STT3B: variants seen among roughly 807,000 people sequenced by gnomAD.
STT3B encodes dolichyl-diphosphooligosaccharide--protein glycosyltransferase subunit STT3B.
STT3B carries 29 observed loss-of-function variants against 96.8 expected under a neutral mutation model. That is an observed-to-expected ratio of 0.30 (90% CI 0.22 to 0.41). The LOEUF (loss-of-function observed/expected upper bound fraction) is 0.41, where lower values mean the gene tolerates loss of function less well. Among genes scored for constraint, STT3B ranks in the 10% least tolerant of loss-of-function variants. The pLI is 1.00. For synonymous variants in STT3B, 367 were observed against 360.0 expected, an observed-to-expected ratio of 1.02 and a Z score of -0.22; for missense variants, 640 against 1,022.3, an observed-to-expected ratio of 0.63 and a Z score of 5.10.
intron 1 of STT3B, 110 bp downstream of exon 1, chr3:31,533,422 G>T (rs1392037287): frequency 1.6e-6 from 2 of 1,259,082 alleles, no homozygotes; most frequent in African/African-American, 1.6e-5. Flanking sequence ...GCGGAGCCCC[G>T]CTCGCGTCCT....
intron 1 of STT3B, among the ~76,000 whole-genome samples, chr3:31,575,426 G>A (rs1032144045): frequency 1.3e-5 from 2 of 151,672 alleles, no homozygotes; most frequent in African/African-American, 4.8e-5. Context: ...TTGATATTTA[G>A]CTGTCATGGT....
At chr3:31,622,368 C>G (rs1019747156) in intron 10 of STT3B, 60 bp downstream of exon 10, 42 of 1,362,928 alleles carry the variant, frequency 3.1e-5, no homozygotes, top group Non-Finnish European at 4.1e-5. Context: ...TTTTCCACCA[C>G]AGTAAGAACT....
At chr3:31,626,310 A>G (rs1699535755) in intron 13 of STT3B, among the ~76,000 whole-genome samples, 183 bp downstream of exon 13, 1 of 152,224 alleles carries the variant, frequency 6.6e-6, no homozygotes, top group South Asian at 2.1e-4. Context: ...TTTTGAAGTC[A>G]AAATGGAACT....
At chr3:31,570,929 T>C (rs1385014352) in intron 1 of STT3B, among the ~76,000 whole-genome samples, 5 of 152,146 alleles carry the variant, frequency 3.3e-5, no homozygotes, top group East Asian at 1.9e-4. Flanking sequence ...TTTGATCATA[T>C]TGAGGTGATC....
rs148782057 is a variant in STT3B, at chr3:31,617,517, G to T, written c.1124-423G>T. ...ATTCTGTCAAATTAATGTAAAAGCCGTGAGTGTTTAAAATCATCTTTGAAT... is the reference window on the plus strand; with the variant it reads ...ATTCTGTCAAATTAATGTAAAAGCCTTGAGTGTTTAAAATCATCTTTGAAT... On this transcript the variant is annotated intron_variant, in intron 7 of 15. Transcript: ENST00000295770. Among the ~76,000 whole-genome samples the T allele has an allele frequency of 7.1e-3, 1,076 of 152,036 alleles. 13 individuals carry two copies. The highest frequency in any genetic ancestry group is 0.024 in the African/African-American group (994 of 41,536).
intron 5 of STT3B, among the ~76,000 whole-genome samples, chr3:31,608,543 G>A (rs1038023217): frequency 6.6e-5 from 10 of 152,120 alleles, no homozygotes; most frequent in African/African-American, 2.4e-4. Flanking sequence ...TAAAACTCGG[G>A]ATATTTAGAG....
chr3:31,579,528 T>A (rs1014811457), intron 2 of STT3B, among the ~76,000 whole-genome samples: 2 of 141,424 alleles, frequency 1.4e-5, no homozygotes, highest in Admixed American at 1.5e-4. Context: ...GTAAAAAAGT[T>A]ACCTACAGTT....
chr3:31,628,032 A>G (rs892179056), intron 13 of STT3B, among the ~76,000 whole-genome samples: 2 of 151,718 alleles, frequency 1.3e-5, no homozygotes, highest in Admixed American at 6.6e-5. Context: ...AAGTTCCTCT[A>G]TAGGTAATAA....
chr3:31,629,936 A>T (rs1699619809), intron 14 of STT3B, among the ~76,000 whole-genome samples: 2 of 152,238 alleles, frequency 1.3e-5, no homozygotes, highest in African/African-American at 4.8e-5. Flanking sequence ...TGAATGTGCA[A>T]AGAGGCATTG....
At chr3:31,597,652 C>G (rs953463816) in intron 4 of STT3B, among the ~76,000 whole-genome samples, 3 of 151,954 alleles carry the variant, frequency 2.0e-5, no homozygotes, top group African/African-American at 7.3e-5. Context: ...AGAGACAGAT[C>G]CTCACTCTGT....
At position 31,624,981 on chromosome 3, in the gene STT3B, G is replaced by A. The variant is rs747579323; in HGVS notation, c.1795G>A (p.Ala599Thr). The A allele has an allele frequency of 6.9e-5, 111 of 1,613,618 alleles. No homozygotes were observed. Among genetic ancestry groups the A allele is most frequent in the Middle Eastern group, 1.7e-4 (1 of 6,056 alleles). The change falls in exon 12 of 16, where the codon GCA becomes ACA. Residue 599 changes from alanine to threonine, a missense_variant. Around this residue, in one of 8 missense-constraint regions of STT3B, gnomAD observed 149 missense variants for 250.2 expected, o/e 0.60. Transcript: ENST00000295770. ...GCTAAGGCAAAATACAGATGAACAT[G>A]CACGAGTAATGTCTTGGTGGGATTA... ...FWLRQNTDEHARVMSWWDYGY... is the reference protein window; with the variant it reads ...FWLRQNTDEHTRVMSWWDYGY...
At chr3:31,558,087 T>G (rs1697767129) in intron 1 of STT3B, among the ~76,000 whole-genome samples, 1 of 152,256 alleles carries the variant, frequency 6.6e-6, no homozygotes, top group African/African-American at 2.4e-5. Flanking sequence ...TGGCAGAGTC[T>G]TTTGGTTTTT....
intron 3 of STT3B, among the ~76,000 whole-genome samples, chr3:31,584,548 A>G (rs1698493391): frequency 6.6e-6 from 1 of 152,132 alleles, no homozygotes; most frequent in Non-Finnish European, 1.5e-5. Flanking sequence ...TGTGTTGATT[A>G]CACAAGGTTA....
At chr3:31,631,479 TTTTAAG>T (rs1377562505) in intron 14 of STT3B, among the ~76,000 whole-genome samples, 4 of 152,332 alleles carry the variant, frequency 2.6e-5, no homozygotes, top group Admixed American at 1.3e-4. Context: ...TCTTCCTCTC[TTTTAAG>T]TTTATCAATA....
intron 1 of STT3B, among the ~76,000 whole-genome samples, chr3:31,536,871 T>A (rs768184830): frequency 2.0e-5 from 3 of 152,252 alleles, no homozygotes; most frequent in Admixed American, 6.5e-5. Flanking sequence ...CAAAATGTGT[T>A]TTCTACATAT....
intron 1 of STT3B, among the ~76,000 whole-genome samples, chr3:31,572,419 A>T (rs779654724): frequency 6.6e-6 from 1 of 151,928 alleles, no homozygotes; most frequent in South Asian, 2.1e-4. Flanking sequence ...GAACCAAAAC[A>T]AAATACAGAA....
chr3:31,551,768 G>A (rs1371772403), intron 1 of STT3B, among the ~76,000 whole-genome samples: 2 of 152,166 alleles, frequency 1.3e-5, no homozygotes, highest in Non-Finnish European at 2.9e-5. Flanking sequence ...GTGATGGGAT[G>A]TTGCTTCCGT....
chr3:31,551,201 TTTTGTTTGTTTG>T (rs147580075), intron 1 of STT3B, among the ~76,000 whole-genome samples: 3 of 150,708 alleles, frequency 2.0e-5, no homozygotes, highest in South Asian at 2.1e-4. Context: ...TTTGGGTGTT[TTTTGTTTGTTTG>T]TTTGTTTGTT....
rs539636987 is a variant in STT3B at position 31,554,489 on chromosome 3, G to A, written c.314+21177G>A. Among the ~76,000 whole-genome samples, 8 of 152,202 alleles carry A rather than the reference G, an allele frequency of 5.3e-5. No individual in the cohort carries two copies. The East Asian group carries it at 7.7e-4, about 15-fold the overall frequency. Reference sequence around the variant, plus strand: ...CTAAATTTTAAATGATTTAATGGCCGTGTCAAAAACTTGAAAGATAAGTGT... The same window carrying A: ...CTAAATTTTAAATGATTTAATGGCCATGTCAAAAACTTGAAAGATAAGTGT... On this transcript the variant is annotated intron_variant, in intron 1 of 15. Transcript: ENST00000295770.
Sources: gnomAD v4.1 joint callset for allele counts (sites outside exome capture counted in the v4.1 genomes callset) on GRCh38, gnomAD v4.1.1 for gene constraint, gnomAD v4.1.1 regional missense constraint, MANE v1.5 for transcripts, NCBI Gene and HGNC (gene_info 2026-07-23, HGNC 2026-07-21) for gene names.